DUSP19: variants seen among roughly 807,000 people sequenced by gnomAD.
DUSP19 encodes the protein dual specificity phosphatase 19, also known as dual specificity protein phosphatase 19.
In DUSP19, 14 loss-of-function variants were observed where a neutral mutation model predicts 16.6. That is an observed-to-expected ratio of 0.84 (90% CI 0.56 to 1.32). The LOEUF (loss-of-function observed/expected upper bound fraction) is 1.32. Among genes scored for constraint, DUSP19 ranks in the 40% most tolerant of loss-of-function variants. The pLI, the probability that DUSP19 is intolerant of heterozygous loss-of-function variation, is 0.00. For missense variants in DUSP19, 258 were observed against 255.9 expected, an observed-to-expected ratio of 1.01 and a Z score of -0.06; for synonymous variants, 81 against 90.5, an observed-to-expected ratio of 0.90 and a Z score of 0.59.
intron 3 of DUSP19, among the ~76,000 whole-genome samples, chr2:183,089,206 G>A (rs371265224): frequency 2.0e-5 from 3 of 152,154 alleles, no homozygotes; most frequent in Non-Finnish European, 2.9e-5. Context: ...AAGGTGGGAC[G>A]AGAAGCAATA....
chr2:183,086,325 T>A (rs1018108141), intron 2 of DUSP19, among the ~76,000 whole-genome samples: 6 of 152,234 alleles, frequency 3.9e-5, no homozygotes, highest in South Asian at 2.1e-4. Flanking sequence ...TTCTCCTATT[T>A]AAGTTTTTAT....
In DUSP19 at chr2:183,097,173, G is replaced by C. The variant is rs1286279576; in HGVS notation, c.*1515G>C. ...CCTGAGTAGCTGAGACTACAGCTGT[G>C]CGCCACCACATCTGGCTAATTTTAT... On this transcript the variant is annotated 3_prime_UTR_variant, in exon 4 of 4. Transcript: ENST00000354221. 6.6e-6 allele frequency: 1 copy of C among 151,916 alleles called. No individual in the cohort carries two copies. Among genetic ancestry groups the C allele is most frequent in the Non-Finnish European group, 1.5e-5 (1 of 68,140 alleles). 9.4% of individuals were successfully genotyped at this position (151,916 alleles called of 1,614,324 possible). A position where few individuals can be genotyped will look rare whatever the true frequency, so the allele number is the denominator to read the frequency against.
In DUSP19 at chr2:183,078,783, C is replaced by CA; in HGVS notation, c.-150dup. 3.0e-6 allele frequency: 2 copies of CA among 659,386 alleles called. No homozygotes were observed. Among genetic ancestry groups the CA allele is most frequent in the South Asian group, 3.9e-5 (2 of 51,472 alleles). 40.8% of individuals were successfully genotyped at this position (659,386 alleles called of 1,614,324 possible). On this transcript the variant is annotated 5_prime_UTR_variant, in exon 1 of 4. Coordinates refer to ENST00000354221, the MANE Select transcript of DUSP19 (RefSeq NM_080876.4). Reference sequence around the variant, plus strand: ...CTGGGATAAACGGAGCTGGACGACTCAGTCTCTTGGTCTGTGGCTGCTGCG... The same window carrying CA: ...CTGGGATAAACGGAGCTGGACGACTCAAGTCTCTTGGTCTGTGGCTGCTGCG...
intron 3 of DUSP19, 140 bp downstream of exon 3, chr2:183,087,332 C>A: frequency 2.2e-6 from 2 of 918,308 alleles, no homozygotes; most frequent in Non-Finnish European, 3.1e-6. Flanking sequence ...TCATTATTTC[C>A]TACAATTATT....
rs1394436445 is a variant in DUSP19, at chr2:183,087,128, C to A, written c.362C>A (p.Pro121His). The A allele has an allele frequency of 4.3e-6, 7 of 1,613,272 alleles. No individual in the cohort carries two copies. In the African/African-American group the frequency reaches 9.3e-5, roughly 22 times the overall value. ...AAGAGCATTTCTATATTGGATCTGC[C>A]TGAAACCAACATCCTGTCTTATTTT... is the stretch of plus-strand genomic sequence containing the variant. ...TYKSISILDL[P>H]ETNILSYFPE... The change falls in exon 3 of 4, where the codon CCT becomes CAT. Residue 121 changes from proline (P) to histidine (H), a missense_variant. Pro to His is a moderately conservative substitution (Grantham distance 77). Coordinates refer to ENST00000354221, the MANE Select transcript of DUSP19 (RefSeq NM_080876.4).
intron 3 of DUSP19, among the ~76,000 whole-genome samples, chr2:183,090,270 T>G (rs537038500): frequency 1.3e-5 from 2 of 152,250 alleles, no homozygotes; most frequent in Non-Finnish European, 2.9e-5. Context: ...CGTTGCCAAA[T>G]GGAATGGATT....
rs139614292 is a variant in DUSP19 at position 183,084,380 on chromosome 2, T to C, written c.273+826T>C. 7.9e-3 allele frequency among the ~76,000 whole-genome samples: 1,196 copies of C among 151,948 alleles called. 11 individuals carry two copies. Among genetic ancestry groups the C allele is most frequent in the Middle Eastern group, 0.017 (5 of 294 alleles). ...AGTTCGAGGTTACAGTGTGCTATGA[T>C]TTTGCTACTGTACTCCAGACTGGGC... On this transcript the variant is annotated intron_variant, in intron 2 of 3. Coordinates refer to ENST00000354221, the MANE Select transcript of DUSP19 (RefSeq NM_080876.4).
In DUSP19 at chr2:183,099,424, T is replaced by A. The variant is rs1284844901; in HGVS notation, c.*3766T>A. 6.6e-6 allele frequency: 1 copy of A among 152,232 alleles called. No individual in the cohort carries two copies. Among genetic ancestry groups the A allele is most frequent in the African/African-American group, 2.4e-5 (1 of 41,462 alleles). The allele number at this position is 152,232 out of a possible 1,614,324, so 9.4% of individuals were successfully genotyped here. A position where few individuals can be genotyped will look rare whatever the true frequency, so the allele number is the denominator to read the frequency against. On this transcript the variant is annotated 3_prime_UTR_variant, in exon 4 of 4. Coordinates refer to ENST00000354221, the MANE Select transcript of DUSP19 (RefSeq NM_080876.4). The stretch of plus-strand genomic sequence containing the variant: ...GAATTTAAACCAGAAGACTTTGAAG[T>A]TGTATATTCTTGCAATGCATAAAAT...
chr2:183,091,695 A>G lies in DUSP19; in HGVS notation c.427-3736A>G, dbSNP rs72890365. Among the ~76,000 whole-genome samples, 315 of 152,326 alleles carry G rather than the reference A, an allele frequency of 2.1e-3. 1 individual carries two copies. Among genetic ancestry groups the G allele is most frequent in the Non-Finnish European group, 4.0e-3 (269 of 68,016 alleles). Reference sequence around the variant, plus strand: ...CTATGCAAACGAAGACTTGGCCTGCAATTAGTCTGATTGGTTGTGGACAGC... The same window carrying G: ...CTATGCAAACGAAGACTTGGCCTGCGATTAGTCTGATTGGTTGTGGACAGC... On this transcript the variant is annotated intron_variant, in intron 3 of 3. Coordinates refer to ENST00000354221, the MANE Select transcript of DUSP19 (RefSeq NM_080876.4).
intron 3 of DUSP19, among the ~76,000 whole-genome samples, chr2:183,092,905 T>C (rs1248600862): frequency 6.6e-6 from 1 of 151,996 alleles, no homozygotes; most frequent in Non-Finnish European, 1.5e-5. Flanking sequence ...GGTTTCACCA[T>C]GTTGGCCAGG....
chr2:183,093,156 C>CAT (rs1201209269), intron 3 of DUSP19, among the ~76,000 whole-genome samples: 3 of 152,146 alleles, frequency 2.0e-5, no homozygotes, highest in African/African-American at 7.2e-5. Flanking sequence ...ACTATAATAG[C>CAT]ACAAGAACAA....
Position 183,086,865 on chromosome 2 carries a change from G to A in DUSP19, c.274-175G>A, listed in dbSNP as rs368453028. Among the ~76,000 whole-genome samples, 733 of 150,226 alleles carry A rather than the reference G, an allele frequency of 4.9e-3. 4 individuals carry two copies. The highest frequency in any genetic ancestry group is 8.2e-3 in the Non-Finnish European group (554 of 67,604). ...AAGTTAAAAGAGAGAGAGAGAGAGA[G>A]AAAACATATAGTAGAAGGAGCACTT... On this transcript the variant is annotated intron_variant, in intron 2 of 3. Coordinates refer to ENST00000354221, the MANE Select transcript of DUSP19 (RefSeq NM_080876.4).
At chr2:183,083,439 G>A in intron 1 of DUSP19, 69 bp from the exon 2 acceptor site, 2 of 1,391,550 alleles carry the variant, frequency 1.4e-6, no homozygotes, top group Non-Finnish European at 2.0e-6. Flanking sequence ...CAGAATTGCT[G>A]TAGAAATTTA....
chr2:183,095,637 A>G lies in DUSP19; in HGVS notation c.633A>G (p.Arg211=). 6.2e-7 allele frequency: 1 copy of G among 1,613,830 alleles called. No individual in the cohort carries two copies. Among genetic ancestry groups the G allele is most frequent in the East Asian group, 2.2e-5 (1 of 44,866 alleles). The change falls in exon 4 of 4, where the codon AGA becomes AGG. Residue 211 remains arginine (R), a synonymous_variant. Coordinates refer to ENST00000354221, the MANE Select transcript of DUSP19 (RefSeq NM_080876.4). ...GCAAAGAAAGCAATAAGTGTGACAGAATACAGGAGAACAGTTCATGAGTTG... is the reference window on the plus strand; with the variant it reads ...GCAAAGAAAGCAATAAGTGTGACAGGATACAGGAGAACAGTTCATGAGTTG... ...QEGKESNKCD[R]IQENSS
intron 3 of DUSP19, among the ~76,000 whole-genome samples, chr2:183,090,066 G>T (rs1257171261): frequency 6.6e-6 from 1 of 152,198 alleles, no homozygotes; most frequent in African/African-American, 2.4e-5. Flanking sequence ...GAGCCACCAT[G>T]CCTGGAAGGC....
At chr2:183,091,516 T>C (rs776910414) in intron 3 of DUSP19, among the ~76,000 whole-genome samples, 6 of 152,114 alleles carry the variant, frequency 3.9e-5, no homozygotes, top group Non-Finnish European at 8.8e-5. Context: ...CTTATGTAAA[T>C]GAAGTGGTAT....
chr2:183,082,493 G>A (rs1292468135), intron 1 of DUSP19, among the ~76,000 whole-genome samples: 1 of 136,562 alleles, frequency 7.3e-6, no homozygotes, highest in African/African-American at 2.9e-5. Flanking sequence ...GCACGATCTT[G>A]GCTCACTGCA....
At chr2:183,090,549 G>A (rs56271556) in intron 3 of DUSP19, among the ~76,000 whole-genome samples, 17,799 of 152,226 alleles carry the variant, frequency 0.12, 1,773 homozygotes, top group African/African-American at 0.27. Flanking sequence ...AGTAGTCCAT[G>A]TTCTTTGTAG....
chr2:183,080,714 T>C lies in DUSP19; in HGVS notation c.226+1555T>C, dbSNP rs1414416123. Among the ~76,000 whole-genome samples, 6 of 152,330 alleles carry C rather than the reference T, an allele frequency of 3.9e-5. No homozygotes were observed. The East Asian group carries it at 9.6e-4, about 24-fold the overall frequency. On this transcript the variant is annotated intron_variant, in intron 1 of 3. Transcript: ENST00000354221. ...AACTGATCAAGGTAGTGTTCTGAGA[T>C]TGGGGTTGGAAACCTCCCCAGGATA...
Sources: allele counts gnomAD v4.1 joint callset (sites outside exome capture counted in the v4.1 genomes callset), GRCh38; gene constraint gnomAD v4.1.1; transcripts MANE v1.5; gene names NCBI Gene and HGNC (gene_info 2026-07-23, HGNC 2026-07-21).